Variants in WASF1 observed in about 807,000 individuals in gnomAD.
WASF1 encodes WASP family member 1, also known as actin-binding protein WASF1.
In WASF1, 7 loss-of-function variants were observed where a neutral mutation model predicts 50.5. The observed-to-expected ratio is 0.14, with a 90% CI of 0.08 to 0.26. The LOEUF (loss-of-function observed/expected upper bound fraction) is 0.26. Ranked by LOEUF, WASF1 falls within the 10% of genes least tolerant of loss-of-function variation. The pLI is 1.00. For synonymous variants in WASF1, 205 were observed against 244.0 expected (o/e 0.84, Z 1.49); for missense variants, 470 against 694.7 (o/e 0.68, Z 3.64).
chr6:110,105,628 TAAAAAGGAGGTTATAACAATCA>T, intron 7 of WASF1, 49 bp from the exon 8 acceptor site: 1 of 1,562,368 alleles, frequency 6.4e-7, no homozygotes, highest in Non-Finnish European at 8.7e-7. Context: ...CGCTAATTTT[TAAAAAGGAGGTTATAACAATCA>T]AATTAAACTC....
At chr6:110,151,125 G>C (rs1775804273) in intron 3 of WASF1, among the ~76,000 whole-genome samples, 1 of 152,176 alleles carries the variant, frequency 6.6e-6, no homozygotes, top group Non-Finnish European at 1.5e-5. Flanking sequence ...ACTAGAGAGA[G>C]TAAACCACTG....
At chr6:110,159,085 C>T (rs905933572) in intron 3 of WASF1, among the ~76,000 whole-genome samples, 1 of 151,914 alleles carries the variant, frequency 6.6e-6, no homozygotes, top group Non-Finnish European at 1.5e-5. Flanking sequence ...GGGATCATAT[C>T]TTACATTTCT....
intron 3 of WASF1, among the ~76,000 whole-genome samples, chr6:110,142,619 A>C (rs2114556374): frequency 6.6e-6 from 1 of 152,280 alleles, no homozygotes; most frequent in South Asian, 2.1e-4. Context: ...AGGCTAGAAA[A>C]GAATTTTAAA....
intron 3 of WASF1, among the ~76,000 whole-genome samples, chr6:110,146,676 C>T (rs1775578949): frequency 6.6e-6 from 1 of 151,884 alleles, no homozygotes; most frequent in Admixed American, 6.6e-5. Context: ...TATAATTTAC[C>T]TTTCCCTAAA....
At chr6:110,134,992 C>T (rs1483017861) in intron 3 of WASF1, among the ~76,000 whole-genome samples, 2 of 152,084 alleles carry the variant, frequency 1.3e-5, no homozygotes, top group East Asian at 1.9e-4. Flanking sequence ...TTCTACCCAC[C>T]CATGAGCATG....
chr6:110,101,417 T>C (rs2114445353), intron 10 of WASF1, among the ~76,000 whole-genome samples, 171 bp downstream of exon 10: 1 of 152,342 alleles, frequency 6.6e-6, no homozygotes, highest in East Asian at 1.9e-4. Flanking sequence ...ATATATTTTC[T>C]GGAAAATAAT....
chr6:110,101,912 C>T lies in WASF1; in HGVS notation c.1198G>A (p.Val400Ile). 6 of 1,612,332 alleles carry T rather than the reference C, an allele frequency of 3.7e-6. No individual in the cohort carries two copies. The highest frequency in any genetic ancestry group is 5.1e-6 in the Non-Finnish European group (6 of 1,179,242). ...APPLVQPSPPVARAAPVCETV... is the reference protein window; with the variant it reads ...APPLVQPSPPIARAAPVCETV... ...TCACATACTGGGGCAGCTCTAGCTA[C>T]TGGTGGAGAGGGCTGTACTAGAGGA... Residue 400 changes from valine (V) to isoleucine (I), a missense_variant, in exon 10 of 11, where the codon GTA becomes ATA. This residue lies in a region of WASF1 where 294 missense variants were observed against 343.5 expected (regional missense o/e 0.86). Transcript: ENST00000392589.
intron 4 of WASF1, among the ~76,000 whole-genome samples, chr6:110,118,529 C>A (rs192405991): frequency 5.3e-5 from 8 of 152,138 alleles, no homozygotes; most frequent in African/African-American, 1.7e-4. Flanking sequence ...TACAGGAACA[C>A]CCAGATTCAT....
chr6:110,150,315 A>G (rs1391864916), intron 3 of WASF1, among the ~76,000 whole-genome samples: 1 of 152,238 alleles, frequency 6.6e-6, no homozygotes, highest in Non-Finnish European at 1.5e-5. Context: ...GCTAAGGTCT[A>G]AAGTAGACTA....
intron 3 of WASF1, among the ~76,000 whole-genome samples, chr6:110,153,431 T>G (rs1441939796): frequency 6.6e-6 from 1 of 152,124 alleles, no homozygotes; most frequent in Non-Finnish European, 1.5e-5. Context: ...AAAAAGAAAG[T>G]TTAAGACTGA....
intron 4 of WASF1, among the ~76,000 whole-genome samples, chr6:110,124,731 A>G (rs1333775763): frequency 6.6e-6 from 1 of 152,022 alleles, no homozygotes; most frequent in Non-Finnish European, 1.5e-5. Context: ...ACATGGCAAA[A>G]CCCCATTTCT....
chr6:110,137,471 C>T (rs759001445), intron 3 of WASF1, among the ~76,000 whole-genome samples: 17 of 152,260 alleles, frequency 1.1e-4, no homozygotes, highest in Non-Finnish European at 2.2e-4. Context: ...AGCTGTTGGA[C>T]TCTATTTTGC....
intron 3 of WASF1, among the ~76,000 whole-genome samples, chr6:110,146,494 AATGC>A (rs1775568146): frequency 6.6e-6 from 1 of 151,786 alleles, no homozygotes. Flanking sequence ...TTAAAATAAG[AATGC>A]ATGAAGAACT....
At chr6:110,120,076 C>G (rs958806978) in intron 4 of WASF1, among the ~76,000 whole-genome samples, 5 of 152,096 alleles carry the variant, frequency 3.3e-5, no homozygotes, top group Admixed American at 6.6e-5. Flanking sequence ...AAACCCATAG[C>G]CAAAATCATA....
intron 4 of WASF1, among the ~76,000 whole-genome samples, chr6:110,120,694 T>G (rs201499201): frequency 1.1e-3 from 142 of 134,886 alleles, no homozygotes; most frequent in Middle Eastern, 3.8e-3. Context: ...TACTTTAAAG[T>G]TCATATGGAA....
At chr6:110,102,358 C>T in intron 9 of WASF1, 142 bp from the exon 10 acceptor site, 3 of 779,362 alleles carry the variant, frequency 3.8e-6, no homozygotes, top group Non-Finnish European at 5.2e-6. Flanking sequence ...TTAACATCTT[C>T]AACAGTATTT....
chr6:110,169,084 T>C lies in WASF1; in HGVS notation c.-126-8352A>G, dbSNP rs184464293. 2.0e-3 allele frequency among the ~76,000 whole-genome samples: 301 copies of C among 152,224 alleles called. 2 individuals are homozygous for C. Among genetic ancestry groups the C allele is most frequent in the African/African-American group, 7.0e-3 (292 of 41,542 alleles). ...TCAGCATCCTCTTCTGTCTCTCCTT[T>C]TTCTTTCCACTAAATGTTAGGCATC... On this transcript the variant is annotated intron_variant, in intron 2 of 10. Coordinates refer to ENST00000392589, the MANE Select transcript of WASF1 (RefSeq NM_003931.3).
intron 5 of WASF1, among the ~76,000 whole-genome samples, chr6:110,111,755 G>A (rs530943517): frequency 1.3e-5 from 2 of 152,268 alleles, no homozygotes; most frequent in African/African-American, 4.8e-5. Context: ...AGAAAGATCA[G>A]TGATTGCTAG....
At chr6:110,171,068 A>G (rs996945697) in intron 2 of WASF1, among the ~76,000 whole-genome samples, 6 of 152,174 alleles carry the variant, frequency 3.9e-5, no homozygotes, top group Non-Finnish European at 8.8e-5. Context: ...ACTAAATACC[A>G]TCAATCAACT....
Sources: gnomAD v4.1 joint callset for allele counts (sites outside exome capture counted in the v4.1 genomes callset) on GRCh38, gnomAD v4.1.1 for gene constraint, gnomAD v4.1.1 regional missense constraint, MANE v1.5 for transcripts, NCBI Gene and HGNC (gene_info 2026-07-23, HGNC 2026-07-21) for gene names.